PRDM10: variants seen among roughly 807,000 people sequenced by gnomAD.
PRDM10 encodes the protein PR domain zinc finger protein 10.
In PRDM10, 65 loss-of-function variants were observed where a neutral mutation model predicts 133.1. The ratio of observed to expected loss-of-function variants is 0.49; its 90% CI spans 0.40 to 0.60. PRDM10 has a LOEUF of 0.60. Among genes scored for constraint, PRDM10 ranks in the 20% least tolerant of loss-of-function variants. PRDM10 has a pLI of 0.00. For missense variants in PRDM10, 1,137 were observed against 1,507.1 expected, an observed-to-expected ratio of 0.75 and a Z score of 4.07; for synonymous variants, 582 against 580.4, an observed-to-expected ratio of 1.00 and a Z score of -0.04.
chr11:129,921,083 C>G (rs2135771014), intron 13 of PRDM10, among the ~76,000 whole-genome samples: 1 of 152,330 alleles, frequency 6.6e-6, no homozygotes. Context: ...AGGCGTGAGC[C>G]ACCGCACCCG....
intron 17 of PRDM10, among the ~76,000 whole-genome samples, chr11:129,913,362 G>C (rs1429708088): frequency 6.6e-6 from 1 of 152,012 alleles, no homozygotes; most frequent in Non-Finnish European, 1.5e-5. Flanking sequence ...TAAAAAAAGA[G>C]CGTTTAGAGA....
rs1949868087 is a variant in PRDM10, at chr11:129,902,401, G to T, written c.3383C>A (p.Thr1128Asn). 2 of 1,614,092 alleles carry T rather than the reference G, an allele frequency of 1.2e-6. No homozygotes were observed. Residue 1128 changes from threonine (T) to asparagine (N), a missense_variant, in exon 21 of 21, where the codon ACC (threonine) becomes AAC (asparagine). Around this residue, in one of 6 missense-constraint regions of PRDM10, gnomAD observed 243 missense variants for 259.2 expected, o/e 0.94. Transcript: ENST00000360871. Reference protein sequence around the residue: ...PAHSDSLDPQTNSQQQTTQYI... With the variant: ...PAHSDSLDPQNNSQQQTTQYI... ...CTGTGTGGTCTGCTGTTGGCTGTTG[G>T]TCTGGGGGTCCAGGGAGTCACTGTG...
chr11:129,950,085 A>C (rs1336808179), intron 4 of PRDM10, among the ~76,000 whole-genome samples: 1 of 151,702 alleles, frequency 6.6e-6, no homozygotes, highest in Non-Finnish European at 1.5e-5. Context: ...AAAATACAAA[A>C]TTTAGCTGGG....
In PRDM10 at chr11:129,941,046, C is replaced by T. The variant is rs140228483; in HGVS notation, c.966+1380G>A. ...GGTATGAGATAGGAATCTCCTTTTACATGTTTTCTTTGGGGTTTATGGATT... is the reference window on the plus strand; with the variant it reads ...GGTATGAGATAGGAATCTCCTTTTATATGTTTTCTTTGGGGTTTATGGATT... On this transcript the variant is annotated intron_variant, in intron 7 of 20. Transcript: ENST00000360871. Among the ~76,000 whole-genome samples, 34 of 152,192 alleles carry T rather than the reference C, an allele frequency of 2.2e-4. No homozygotes were observed. In the East Asian group the frequency reaches 4.6e-3, roughly 21 times the overall value.
intron 1 of PRDM10, among the ~76,000 whole-genome samples, chr11:129,967,188 A>C (rs530551767): frequency 2.2e-4 from 34 of 152,192 alleles, no homozygotes; most frequent in Non-Finnish European, 3.8e-4. Context: ...CAGGAGTTCG[A>C]GACCAGCCTG....
intron 1 of PRDM10, among the ~76,000 whole-genome samples, chr11:129,981,238 A>C (rs1003026528): frequency 1.3e-5 from 2 of 152,150 alleles, no homozygotes; most frequent in South Asian, 4.1e-4. Flanking sequence ...GTACATACCT[A>C]TAAGTACGCT....
chr11:129,917,072 T>C (rs1426575851), intron 15 of PRDM10, 55 bp downstream of exon 15: 26 of 1,304,100 alleles, frequency 2.0e-5, no homozygotes, highest in Non-Finnish European at 2.7e-5. Flanking sequence ...TACGGACAAG[T>C]CAGCTCTAAG....
chr11:129,912,235 G>GA lies in PRDM10; in HGVS notation c.2842-11dup. ...GGTGAGGGGAAGTGGCCTGGAAGGA[G>GA]AAAAAACAGGCCCAGAAACCAGACA... is the stretch of plus-strand genomic sequence containing the variant. On this transcript the variant is annotated splice_polypyrimidine_tract_variant and intron_variant, in intron 17 of 20. Transcript: ENST00000360871. The GA allele has an allele frequency of 6.5e-7, 1 of 1,530,876 alleles. No individual in the cohort carries two copies. The highest frequency in any genetic ancestry group is 8.8e-7 in the Non-Finnish European group (1 of 1,130,310). 94.8% of individuals were successfully genotyped at this position (1,530,876 alleles called of 1,614,324 possible). A position where few individuals can be genotyped will look rare whatever the true frequency, so the allele number is the denominator to read the frequency against.
intron 1 of PRDM10, among the ~76,000 whole-genome samples, chr11:129,969,859 C>A (rs1012899384): frequency 6.6e-6 from 1 of 152,042 alleles, no homozygotes; most frequent in Non-Finnish European, 1.5e-5. Flanking sequence ...ACACAAAACA[C>A]CTGTATGTCA....
chr11:129,944,649 TAGAAAGA>T, intron 6 of PRDM10, 115 bp downstream of exon 6: 2 of 1,383,280 alleles, frequency 1.4e-6, no homozygotes, highest in Middle Eastern at 1.8e-4. Flanking sequence ...CAAGTTAAGA[TAGAAAGA>T]AGAATACTAG....
chr11:129,961,120 GATAA>G, intron 1 of PRDM10, 38 bp from the exon 2 acceptor site: 1 of 531,448 alleles, frequency 1.9e-6, no homozygotes. Context: ...ACTTTCAGTA[GATAA>G]ATACATTTTA....
intron 1 of PRDM10, among the ~76,000 whole-genome samples, chr11:129,966,331 C>T (rs1337623106): frequency 2.6e-5 from 4 of 152,136 alleles, no homozygotes; most frequent in Non-Finnish European, 5.9e-5. Flanking sequence ...TGTATTTCAT[C>T]GAGTCTACAA....
chr11:130,002,039 T>G (rs1362702840), intron 1 of PRDM10, among the ~76,000 whole-genome samples: 1 of 151,222 alleles, frequency 6.6e-6, no homozygotes, highest in African/African-American at 2.4e-5. Flanking sequence ...CGGCGCGGCC[T>G]CCGCAGACAA....
chr11:129,950,058 A>C (rs1280469326), intron 4 of PRDM10, among the ~76,000 whole-genome samples: 1 of 151,680 alleles, frequency 6.6e-6, no homozygotes, highest in African/African-American at 2.4e-5. Context: ...CAACATGGTG[A>C]AACCCTGTCT....
intron 1 of PRDM10, among the ~76,000 whole-genome samples, chr11:129,968,877 C>T (rs983018165): frequency 1.3e-5 from 2 of 152,194 alleles, no homozygotes; most frequent in Admixed American, 6.5e-5. Context: ...ACATAGCAAA[C>T]GATGAGTGCA....
intron 1 of PRDM10, among the ~76,000 whole-genome samples, chr11:129,975,032 G>A (rs1311570309): frequency 2.0e-5 from 3 of 152,310 alleles, no homozygotes; most frequent in Admixed American, 2.0e-4. Flanking sequence ...GGAACAGGGA[G>A]TTATTGTTCA....
chr11:129,908,090 C>A (rs560650266), intron 19 of PRDM10, among the ~76,000 whole-genome samples: 1 of 151,908 alleles, frequency 6.6e-6, no homozygotes, highest in African/African-American at 2.4e-5. Context: ...ACAGACAAGA[C>A]CCTCTCTCTT....
intron 1 of PRDM10, among the ~76,000 whole-genome samples, chr11:129,999,501 T>C (rs1242454355): frequency 6.6e-6 from 1 of 152,212 alleles, no homozygotes; most frequent in African/African-American, 2.4e-5. Flanking sequence ...TGGGATGTGA[T>C]GGGAGAAGAC....
Position 129,918,098 on chromosome 11 carries a change from T to A in PRDM10, c.2214+441A>T, listed in dbSNP as rs1220380618. Among the ~76,000 whole-genome samples the A allele has an allele frequency of 6.6e-6, 1 of 151,778 alleles. No individual in the cohort carries two copies. The highest frequency in any genetic ancestry group is 1.5e-5 in the Non-Finnish European group (1 of 67,948). ...GTGAGCTGAGATCACGCCATTTCAC[T>A]CCAGCCTGGGCAACAGGAGCGAAAT... is the stretch of plus-strand genomic sequence containing the variant. On this transcript the variant is annotated intron_variant, in intron 14 of 20. Coordinates refer to ENST00000360871, the MANE Select transcript of PRDM10 (RefSeq NM_199437.2). The surrounding 1 kb of genome is among the most constrained non-coding windows in gnomAD (Gnocchi z 5.3).
Sources: allele counts gnomAD v4.1 joint callset (sites outside exome capture counted in the v4.1 genomes callset), GRCh38; gene constraint gnomAD v4.1.1; regional missense constraint gnomAD v4.1.1; non-coding constraint Gnocchi (gnomAD v3.1); transcripts MANE v1.5; gene names NCBI Gene and HGNC (gene_info 2026-07-23, HGNC 2026-07-21).